PCNX1: variants seen among roughly 807,000 people sequenced by gnomAD.
The protein encoded by PCNX1 is pecanex 1, also known as pecanex-like protein 1.
Under a neutral mutation model 242.2 loss-of-function variants are expected in PCNX1, and 78 were observed. The observed-to-expected ratio is 0.32, with a 90% CI of 0.27 to 0.39. PCNX1 has a LOEUF of 0.39. Among genes scored for constraint, PCNX1 ranks in the 10% least tolerant of loss-of-function variants. The probability of loss-of-function intolerance (pLI) is 1.00; values close to 1 mark genes in which losing one functional copy is unlikely to be tolerated. For synonymous variants in PCNX1, 1,024 were observed against 1,032.9 expected (o/e 0.99, Z 0.17); for missense variants, 2,581 against 2,856.5 (o/e 0.90, Z 2.20).
Position 71,095,721 on chromosome 14 carries a change from TCAC to T in PCNX1, c.5590-6265_5590-6263del, listed in dbSNP as rs376808465. 3.0e-4 allele frequency among the ~76,000 whole-genome samples: 46 copies of T among 152,314 alleles called. No individual in the cohort carries two copies. In the East Asian group the frequency reaches 8.7e-3, roughly 29 times the overall value. ...AATATGACATGGACATCTTTCCAAA[TCAC>T]CACATACAGAGGCACCTCACAGTTT... On this transcript the variant is annotated intron_variant, in intron 30 of 35. Transcript: ENST00000304743.
rs947249593 is a variant in PCNX1 at position 71,113,147 on chromosome 14, A to G, written c.*3212A>G. 39 of 152,210 alleles carry G rather than the reference A, an allele frequency of 2.6e-4. No individual in the cohort carries two copies. The highest frequency in any genetic ancestry group is 6.5e-4 in the African/African-American group (27 of 41,456). The allele number at this position is 152,210 out of a possible 1,614,324, so 9.4% of individuals were successfully genotyped here. ...AAGAGTAAGTGGTGAGGCTGTATGTATATTTTTTAAGAGATTACCTTTTAG... is the reference window on the plus strand; with the variant it reads ...AAGAGTAAGTGGTGAGGCTGTATGTGTATTTTTTAAGAGATTACCTTTTAG... On this transcript the variant is annotated 3_prime_UTR_variant, in exon 36 of 36. Transcript: ENST00000304743.
chr14:70,917,702 A>G (rs764223868), intron 1 of PCNX1, among the ~76,000 whole-genome samples: 4 of 152,222 alleles, frequency 2.6e-5, no homozygotes, highest in Non-Finnish European at 4.4e-5. Context: ...GGAATGGCCA[A>G]TGAGCATTGA....
At chr14:70,916,428 G>GA (rs1361069966) in intron 1 of PCNX1, among the ~76,000 whole-genome samples, 1 of 152,092 alleles carries the variant, frequency 6.6e-6, no homozygotes, top group Non-Finnish European at 1.5e-5. Context: ...AAGAGCCAGG[G>GA]AAAGAGAGTA....
At chr14:71,074,772 AC>A (rs1229263780) in intron 27 of PCNX1, among the ~76,000 whole-genome samples, 1 of 152,042 alleles carries the variant, frequency 6.6e-6, no homozygotes, top group African/African-American at 2.4e-5. Flanking sequence ...CTTAGCGGTT[AC>A]CCCCTAGAAC....
intron 26 of PCNX1, among the ~76,000 whole-genome samples, chr14:71,063,413 C>G (rs1165098498): frequency 6.6e-6 from 1 of 152,124 alleles, no homozygotes; most frequent in Non-Finnish European, 1.5e-5. Context: ...TCATTATGTA[C>G]CCAGTACCTA....
Position 71,114,467 on chromosome 14 carries a change from T to A in PCNX1, c.*4532T>A, listed in dbSNP as rs1025412062. 1.3e-5 allele frequency: 2 copies of A among 152,398 alleles called. No individual in the cohort carries two copies. The highest frequency in any genetic ancestry group is 2.4e-5 in the African/African-American group (1 of 41,460). The allele number at this position is 152,398 out of a possible 1,614,324, so 9.4% of individuals were successfully genotyped here. On this transcript the variant is annotated 3_prime_UTR_variant, in exon 36 of 36. Coordinates refer to ENST00000304743, the MANE Select transcript of PCNX1 (RefSeq NM_014982.3). ...ACTTTGAATCACCTCACCAGAGTCA[T>A]CTGTCAAGAATTATGTATAACAATT...
intron 6 of PCNX1, among the ~76,000 whole-genome samples, chr14:70,985,691 G>A (rs1229036280): frequency 6.6e-6 from 1 of 152,120 alleles, no homozygotes; most frequent in Non-Finnish European, 1.5e-5. Flanking sequence ...TGAATTGCTT[G>A]CATGTTTTTT....
At chr14:71,008,759 C>G (rs769988509) in intron 8 of PCNX1, among the ~76,000 whole-genome samples, 5 of 151,264 alleles carry the variant, frequency 3.3e-5, no homozygotes, top group Non-Finnish European at 5.9e-5. Flanking sequence ...CTGGACTAGA[C>G]CAAATGGTTG....
rs766745613 is a variant in PCNX1 at position 71,012,987 on chromosome 14, C to G, written c.2781C>G (p.Leu927=). 6.2e-7 allele frequency: 1 copy of G among 1,609,254 alleles called. No individual in the cohort carries two copies. The highest frequency in any genetic ancestry group is 8.5e-7 in the Non-Finnish European group (1 of 1,175,586). ...TTTCAATGCTGACTTTCTTTTAGCT[C>G]TCTCTCCCACAGATTCGATTGAATA... is the stretch of plus-strand genomic sequence containing the variant. The part of the protein sequence containing the change: ...TSVRFYPHDV[L]SLPQIRLNRL... The change falls in exon 11 of 36, where the codon CTC becomes CTG. Residue 927 remains leucine, a splice_region_variant and synonymous_variant. Transcript: ENST00000304743.
intron 7 of PCNX1, among the ~76,000 whole-genome samples, chr14:70,994,396 G>GATAGAT (rs1555357306): frequency 1.5e-4 from 15 of 96,962 alleles, no homozygotes; most frequent in African/African-American, 2.7e-4. Flanking sequence ...ACAGGCTTAA[G>GATAGAT]ATATATATAT....
At chr14:71,044,917 C>G (rs1301900639) in intron 19 of PCNX1, among the ~76,000 whole-genome samples, 1 of 152,212 alleles carries the variant, frequency 6.6e-6, no homozygotes, top group Non-Finnish European at 1.5e-5. Context: ...TAACCCGTTT[C>G]AAAATATCTG....
At chr14:70,919,148 C>G (rs1360875472) in intron 1 of PCNX1, among the ~76,000 whole-genome samples, 1 of 152,070 alleles carries the variant, frequency 6.6e-6, no homozygotes, top group Non-Finnish European at 1.5e-5. Flanking sequence ...CCTCCAGAGT[C>G]ACTGGGATTA....
At position 71,030,488 on chromosome 14, in the gene PCNX1, G is replaced by A. The variant is rs376158899; in HGVS notation, c.3558+1697G>A. Among the ~76,000 whole-genome samples, 13 of 152,150 alleles carry A rather than the reference G, an allele frequency of 8.5e-5. No individual in the cohort carries two copies. In the East Asian group the frequency reaches 1.2e-3, roughly 14 times the overall value. ...CCACCTCTAGGGTTTCCTTGCCCACGTTTCCCTTCAGCATTATGCCTGCCA... is the reference window on the plus strand; with the variant it reads ...CCACCTCTAGGGTTTCCTTGCCCACATTTCCCTTCAGCATTATGCCTGCCA... On this transcript the variant is annotated intron_variant, in intron 16 of 35. Transcript: ENST00000304743.
At chr14:70,941,578 A>G (rs1360896174) in intron 1 of PCNX1, among the ~76,000 whole-genome samples, 1 of 152,228 alleles carries the variant, frequency 6.6e-6, no homozygotes, top group Non-Finnish European at 1.5e-5. Context: ...CTTGGGGGTC[A>G]GGGACCCACT....
chr14:70,964,280 C>T (rs2058311980), intron 3 of PCNX1, among the ~76,000 whole-genome samples: 1 of 152,142 alleles, frequency 6.6e-6, no homozygotes, highest in Admixed American at 6.5e-5. Context: ...GTTGTCCAGA[C>T]TACCTCGAAC....
rs754971949 is a variant in PCNX1 at position 70,978,128 on chromosome 14, T to C, written c.1791T>C (p.Cys597=). The change falls in exon 6 of 36, where the codon TGT becomes TGC. Residue 597 remains cysteine (C), a synonymous_variant. Transcript: ENST00000304743. The part of the protein sequence containing the change: ...SGTKPHSAIF[C]HDEDSSDQSD... ...CCAAGCCACACAGTGCTATATTTTGTCATGACGAAGACTCTAGTGATCAGA... is the reference window on the plus strand; with the variant it reads ...CCAAGCCACACAGTGCTATATTTTGCCATGACGAAGACTCTAGTGATCAGA... 1.2e-6 allele frequency: 2 copies of C among 1,614,134 alleles called. No individual in the cohort carries two copies. The highest frequency in any genetic ancestry group is 2.2e-5 in the East Asian group (1 of 44,876).
At chr14:70,928,684 A>G (rs999904837) in intron 1 of PCNX1, among the ~76,000 whole-genome samples, 3 of 152,180 alleles carry the variant, frequency 2.0e-5, no homozygotes, top group African/African-American at 7.2e-5. Context: ...CTCTCAAGTT[A>G]TATTCCTATA....
At position 71,009,900 on chromosome 14, in the gene PCNX1, T is replaced by C. The variant is rs1392086499; in HGVS notation, c.2720+176T>C. The C allele has an allele frequency of 6.9e-6, 3 of 436,708 alleles. No individual in the cohort carries two copies. The East Asian group carries it at 9.9e-5, about 14-fold the overall frequency. The allele number at this position is 436,708 out of a possible 1,614,324, so 27.1% of individuals were successfully genotyped here. On this transcript the variant is annotated intron_variant, in intron 9 of 35. Transcript: ENST00000304743. ...TACAACCTGATGTTTTGAAATATCATATACATTGGCTTAATTGAGCTAAAA... is the reference window on the plus strand; with the variant it reads ...TACAACCTGATGTTTTGAAATATCACATACATTGGCTTAATTGAGCTAAAA...
At chr14:71,108,192 T>G (rs1333392411) in intron 33 of PCNX1, among the ~76,000 whole-genome samples, 1 of 152,206 alleles carries the variant, frequency 6.6e-6, no homozygotes, top group East Asian at 1.9e-4. Context: ...CAGTGTTTCT[T>G]AGTAAATCCT....
Sources: allele counts gnomAD v4.1 joint callset (sites outside exome capture counted in the v4.1 genomes callset), GRCh38; gene constraint gnomAD v4.1.1; transcripts MANE v1.5; gene names NCBI Gene and HGNC (gene_info 2026-07-23, HGNC 2026-07-21).